PTPRT: variants seen among roughly 807,000 people sequenced by gnomAD.
PTPRT encodes the protein protein tyrosine phosphatase receptor type T.
Under a neutral mutation model 176.8 loss-of-function variants are expected in PTPRT, and 56 were observed. That is an observed-to-expected ratio of 0.32 (90% confidence interval 0.26 to 0.40). The LOEUF is 0.40. Among genes scored for constraint, PTPRT ranks in the 10% least tolerant of loss-of-function variants. PTPRT has a pLI of 1.00. For synonymous variants in PTPRT, 783 were observed against 739.0 expected (o/e 1.06, Z -0.96); for missense variants, 1,540 against 1,908.2 (o/e 0.81, Z 3.60).
chr20:42,449,303 A>C lies in PTPRT; in HGVS notation c.1451-974T>G, dbSNP rs563937003. ...GCCAGCATTTTGAACTAATAAGTGC[A>C]ACCTTTCCTGGGGCTCCTTCTATAA... On this transcript the variant is annotated intron_variant, in intron 8 of 30. Coordinates refer to ENST00000373187, the MANE Select transcript of PTPRT (RefSeq NM_007050.6). Among the ~76,000 whole-genome samples the C allele has an allele frequency of 2.6e-5, 4 of 152,196 alleles. No homozygotes were observed. In the South Asian group the frequency reaches 8.3e-4, roughly 31 times the overall value.
intron 2 of PTPRT, 74 bp from the exon 3 acceptor site, chr20:42,791,540 C>T (rs927857502): frequency 4.4e-5 from 64 of 1,460,158 alleles, no homozygotes; most frequent in Middle Eastern, 2.4e-4. Context: ...ATCAGTCACA[C>T]CCATAAACAT....
At position 42,472,492 on chromosome 20, in the gene PTPRT, C is replaced by G. The variant is rs1413740559; in HGVS notation, c.1224G>C (p.Glu408Asp). The change falls in exon 8 of 31, where the codon GAG becomes GAC. Residue 408 changes from glutamate to aspartate, a missense_variant. Coordinates refer to ENST00000373187, the MANE Select transcript of PTPRT (RefSeq NM_007050.6). ...AGCGGGTCACCGCGTAGCCGAAGGG[C>G]TCCCACTGCAGGGTCAGCTGCCGGG... ...IRARQLTLQW[E>D]PFGYAVTRCH... The G allele has an allele frequency of 6.2e-7, 1 of 1,614,124 alleles. No homozygotes were observed. Among genetic ancestry groups the G allele is most frequent in the Admixed American group, 1.7e-5 (1 of 60,010 alleles).
In PTPRT at chr20:42,184,547, T is replaced by C. The variant is rs140955470; in HGVS notation, c.2491+14693A>G. ...CTTCTTCTTCTTCCTCTTCCTCTTC[T>C]TCTTCTTCTTCTTATTCTTCTTCTT... On this transcript the variant is annotated intron_variant, in intron 16 of 30. Transcript: ENST00000373187. Among the ~76,000 whole-genome samples the C allele has an allele frequency of 9.0e-4, 95 of 105,314 alleles. 4 individuals are homozygous for C. Among genetic ancestry groups the C allele is most frequent in the African/African-American group, 2.7e-3 (63 of 23,404 alleles). 69.1% of individuals were successfully genotyped at this position (105,314 alleles called of 152,430 possible).
At chr20:42,245,129 C>G (rs977466643) in intron 14 of PTPRT, among the ~76,000 whole-genome samples, 9 of 152,150 alleles carry the variant, frequency 5.9e-5, no homozygotes, top group African/African-American at 2.2e-4. Flanking sequence ...ATTCAGAACT[C>G]TAGATGTGAT....
intron 6 of PTPRT, among the ~76,000 whole-genome samples, chr20:42,744,368 T>TA (rs1022431057): frequency 4.0e-5 from 6 of 151,766 alleles, no homozygotes; most frequent in Admixed American, 6.6e-5. Flanking sequence ...GAGGAGACTT[T>TA]AAAAAAAAAT....
At chr20:42,383,763 T>C (rs2058717851) in intron 9 of PTPRT, among the ~76,000 whole-genome samples, 1 of 152,232 alleles carries the variant, frequency 6.6e-6, no homozygotes, top group South Asian at 2.1e-4. Flanking sequence ...TTGAATTTAG[T>C]TCTAGATGTG....
intron 9 of PTPRT, among the ~76,000 whole-genome samples, chr20:42,411,695 C>G (rs2059020563): frequency 6.6e-6 from 1 of 151,974 alleles, no homozygotes; most frequent in Non-Finnish European, 1.5e-5. Context: ...ATTAGAAGCA[C>G]TTAATGCCAA....
In PTPRT at chr20:42,249,703, C is replaced by G. The variant is rs562770910; in HGVS notation, c.2177-881G>C. Among the ~76,000 whole-genome samples, 5 of 152,330 alleles carry G rather than the reference C, an allele frequency of 3.3e-5. No homozygotes were observed. In the East Asian group the frequency reaches 9.6e-4, roughly 29 times the overall value. On this transcript the variant is annotated intron_variant, in intron 13 of 30. Coordinates refer to ENST00000373187, the MANE Select transcript of PTPRT (RefSeq NM_007050.6). ...ATTTTAGACCTCAGTGGTCAGAAAC[C>G]CTGAATCCCTTCAAGTCATCTAGTT...
chr20:42,654,505 G>A (rs912912762), intron 7 of PTPRT, among the ~76,000 whole-genome samples: 7 of 152,120 alleles, frequency 4.6e-5, no homozygotes, highest in Admixed American at 2.6e-4. Flanking sequence ...TTGAGGGCAC[G>A]AAACTATTCA....
At chr20:42,737,109 T>C (rs936739447) in intron 6 of PTPRT, among the ~76,000 whole-genome samples, 12 of 152,190 alleles carry the variant, frequency 7.9e-5, no homozygotes, top group African/African-American at 2.9e-4. Flanking sequence ...CCTGAGAATG[T>C]GGCCTTATTT....
the PTPRT span, among the ~76,000 whole-genome samples, chr20:42,052,029 T>A: frequency 6.6e-6 from 1 of 152,216 alleles, no homozygotes; most frequent in Non-Finnish European, 1.5e-5. Flanking sequence ...TTTCAAATCA[T>A]TTCTAAGTAA....
intron 9 of PTPRT, among the ~76,000 whole-genome samples, chr20:42,431,634 C>T (rs376952249): frequency 1.1e-3 from 165 of 152,258 alleles, no homozygotes; most frequent in Middle Eastern, 0.01. Flanking sequence ...TCCAAACATT[C>T]TATAATATTG....
intron 6 of PTPRT, chr20:42,685,966 G>A (rs1424877296): frequency 6.6e-6 from 1 of 152,078 alleles, no homozygotes; most frequent in African/African-American, 2.4e-5. Flanking sequence ...CAAGAACCAC[G>A]ATTACATCCA....
intron 17 of PTPRT, among the ~76,000 whole-genome samples, chr20:42,142,313 A>G (rs1054835804): frequency 6.6e-6 from 1 of 152,212 alleles, no homozygotes; most frequent in African/African-American, 2.4e-5. Flanking sequence ...AGCCCCTAAC[A>G]TGGGCTGGGC....
chr20:43,001,783 A>G (rs763005697), intron 1 of PTPRT, among the ~76,000 whole-genome samples: 3 of 152,248 alleles, frequency 2.0e-5, no homozygotes, highest in Non-Finnish European at 4.4e-5. Context: ...AAATTGACAA[A>G]TGGCACAATC....
At position 42,892,082 on chromosome 20, in the gene PTPRT, G is replaced by T. The variant is rs890131216; in HGVS notation, c.89-6150C>A. 3.3e-5 allele frequency among the ~76,000 whole-genome samples: 5 copies of T among 152,324 alleles called. No homozygotes were observed. The South Asian group carries it at 6.2e-4, about 19-fold the overall frequency. Reference sequence around the variant, plus strand: ...GTTTGCCAACCCTTGCTCTAAGAAAGAAGTATTGCTTTCTTCTTTGTATAA... The same window carrying T: ...GTTTGCCAACCCTTGCTCTAAGAAATAAGTATTGCTTTCTTCTTTGTATAA... On this transcript the variant is annotated intron_variant, in intron 1 of 30. Transcript: ENST00000373187.
Position 42,845,599 on chromosome 20 carries a change from G to A in PTPRT, c.214+40208C>T, listed in dbSNP as rs141551359. On this transcript the variant is annotated intron_variant, in intron 2 of 30. Transcript: ENST00000373187. ...GAGGGCACACACCTGCTATACCCAC[G>A]TGGGTCACACAGCCCACCTGCTGCA... 3.2e-4 allele frequency among the ~76,000 whole-genome samples: 48 copies of A among 152,198 alleles called. No homozygotes were observed. The East Asian group carries it at 7.6e-3, about 24-fold the overall frequency.
At chr20:43,158,531 T>C (rs960304426) in intron 1 of PTPRT, among the ~76,000 whole-genome samples, 1 of 152,142 alleles carries the variant, frequency 6.6e-6, no homozygotes, top group Admixed American at 6.5e-5. Flanking sequence ...CAGCACAAAT[T>C]ATATGGTAGT....
At chr20:42,756,739 A>C (rs2076839072) in intron 5 of PTPRT, 103 bp from the exon 6 acceptor site, 299 of 1,017,084 alleles carry the variant, frequency 2.9e-4, no homozygotes, top group Non-Finnish European at 3.3e-4. Context: ...CCTGGGGCTC[A>C]AGACTTTCCA....
Sources: allele counts gnomAD v4.1 joint callset (sites outside exome capture counted in the v4.1 genomes callset), GRCh38; gene constraint gnomAD v4.1.1; transcripts MANE v1.5; gene names NCBI Gene and HGNC (gene_info 2026-07-23, HGNC 2026-07-21).